ATP10D: variants seen among roughly 807,000 people sequenced by gnomAD.
ATP10D encodes phospholipid-transporting ATPase VD.
Under a neutral mutation model 144.8 loss-of-function variants are expected in ATP10D, and 89 were observed. The observed-to-expected ratio is 0.61, with a 90% CI of 0.52 to 0.73. The LOEUF (loss-of-function observed/expected upper bound fraction) is 0.73. ATP10D is among the 30% of genes least tolerant of loss of function. The probability of loss-of-function intolerance (pLI) is 0.00; values close to 1 mark genes in which losing one functional copy is unlikely to be tolerated. For missense variants in ATP10D, 1,603 were observed against 1,714.8 expected (o/e 0.93, Z 1.15); for synonymous variants, 571 against 615.1 (o/e 0.93, Z 1.06).
chr4:47,514,377 T>C (rs970309665), intron 2 of ATP10D, among the ~76,000 whole-genome samples: 2 of 152,210 alleles, frequency 1.3e-5, no homozygotes, highest in Admixed American at 1.3e-4. Flanking sequence ...GGTTTAGATG[T>C]GGTCCACCTG....
chr4:47,503,070 C>T (rs1053551144), intron 1 of ATP10D, among the ~76,000 whole-genome samples: 6 of 152,052 alleles, frequency 3.9e-5, no homozygotes, highest in South Asian at 2.1e-4. Context: ...GGCATGCTGG[C>T]GCATGCCTGT....
chr4:47,584,037 A>T (rs1392780006), intron 21 of ATP10D, among the ~76,000 whole-genome samples: 2 of 152,164 alleles, frequency 1.3e-5, no homozygotes, highest in Admixed American at 1.3e-4. Flanking sequence ...CCGAGACTGC[A>T]CACAATGCTG....
chr4:47,561,194 T>C, intron 14 of ATP10D, 119 bp downstream of exon 14: 1 of 1,303,186 alleles, frequency 7.7e-7, no homozygotes, highest in South Asian at 1.4e-5. Flanking sequence ...CTGCCTACCC[T>C]GTCCAGTCTG....
intron 9 of ATP10D, among the ~76,000 whole-genome samples, chr4:47,542,644 A>AT (rs1261389656): frequency 3.3e-5 from 5 of 151,412 alleles, no homozygotes; most frequent in Non-Finnish European, 7.4e-5. Context: ...CACCCAGCTA[A>AT]TTTTGTGTAT....
At chr4:47,489,662 G>A (rs1387259019) in intron 1 of ATP10D, among the ~76,000 whole-genome samples, 1 of 152,096 alleles carries the variant, frequency 6.6e-6, no homozygotes, top group Non-Finnish European at 1.5e-5. Context: ...CCCTTATTGT[G>A]TGTACTTTTA....
chr4:47,568,818 C>A lies in ATP10D; in HGVS notation c.2854-19C>A. On this transcript the variant is annotated intron_variant, in intron 15 of 22. Coordinates refer to ENST00000273859, the MANE Select transcript of ATP10D (RefSeq NM_020453.4). ...CCAAGGGCGCCTGGAGGCTAACCAC[C>A]TTTGCCTCTTGTTTCAAGGATGCCT... is the stretch of plus-strand genomic sequence containing the variant. 6.2e-7 allele frequency: 1 copy of A among 1,604,558 alleles called. No homozygotes were observed. Among genetic ancestry groups the A allele is most frequent in the Non-Finnish European group, 8.5e-7 (1 of 1,173,574 alleles).
Position 47,512,633 on chromosome 4 carries a change from C to G in ATP10D, c.93C>G (p.Ser31=), listed in dbSNP as rs779361008. Residue 31 remains serine, a synonymous_variant, in exon 2 of 23, where the codon TCC becomes TCG. Transcript: ENST00000273859. ...RDDDSGPYNY[S]SLLACGRKSS... is the part of the protein sequence containing the mutation. ...ATGATTCAGGGCCATACAACTATTCCTCGTTGCTCGCCTGTGGGCGCAAGT... is the reference window on the plus strand; with the variant it reads ...ATGATTCAGGGCCATACAACTATTCGTCGTTGCTCGCCTGTGGGCGCAAGT... 1 of 1,614,160 alleles carries G rather than the reference C, an allele frequency of 6.2e-7. No individual in the cohort carries two copies. Among genetic ancestry groups the G allele is most frequent in the Non-Finnish European group, 8.5e-7 (1 of 1,180,028 alleles).
chr4:47,516,790 G>A (rs7655332), intron 3 of ATP10D, among the ~76,000 whole-genome samples: 6,769 of 149,768 alleles, frequency 0.045, 527 homozygotes, highest in African/African-American at 0.16. Context: ...CAGTCTAAAC[G>A]AAACCAGAAA....
At chr4:47,566,275 GT>G (rs1274015568) in intron 15 of ATP10D, among the ~76,000 whole-genome samples, 2 of 151,990 alleles carry the variant, frequency 1.3e-5, no homozygotes, top group Non-Finnish European at 2.9e-5. Flanking sequence ...TCTCATAAAA[GT>G]TTTTTTTCTT....
chr4:47,587,120 C>A lies in ATP10D; in HGVS notation c.3855C>A (p.Asn1285Lys), dbSNP rs1390182097. 1 of 1,614,070 alleles carries A rather than the reference C, an allele frequency of 6.2e-7. No homozygotes were observed. Among genetic ancestry groups the A allele is most frequent in the Non-Finnish European group, 8.5e-7 (1 of 1,179,946 alleles). ...GTGTAACTTGCAACCCACCATCCAACCCTTACTGGATTATGCAGGAGCACA... is the reference window on the plus strand; with the variant it reads ...GTGTAACTTGCAACCCACCATCCAAACCTTACTGGATTATGCAGGAGCACA... ...AMCVTCNPPSNPYWIMQEHML... is the reference protein window; with the variant it reads ...AMCVTCNPPSKPYWIMQEHML... The change falls in exon 22 of 23, where the codon AAC becomes AAA. Residue 1285 changes from asparagine (N) to lysine (K), a missense_variant. Asn to Lys is a moderately conservative substitution (Grantham distance 94). Transcript: ENST00000273859.
rs1427076629 is a variant in ATP10D at position 47,523,017 on chromosome 4, A to T, written c.491A>T (p.Glu164Val). ...NLITKVYSRK[E>V]KKYIDRCWKD... ...TAACTTTTTTTTAATTACAGGAAAG[A>T]GAAAAAATACATTGACCGATGCTGG... Residue 164 changes from glutamate to valine, a missense_variant, in exon 4 of 23, where the codon GAG (glutamate) becomes GTG (valine). Glu to Val is a moderately radical substitution (Grantham distance 121). Coordinates refer to ENST00000273859, the MANE Select transcript of ATP10D (RefSeq NM_020453.4). The T allele has an allele frequency of 1.9e-6, 3 of 1,605,420 alleles. No homozygotes were observed. Among genetic ancestry groups the T allele is most frequent in the African/African-American group, 2.7e-5 (2 of 74,670 alleles).
chr4:47,543,990 T>G (rs545608200), intron 9 of ATP10D, among the ~76,000 whole-genome samples: 2 of 152,272 alleles, frequency 1.3e-5, no homozygotes, highest in African/African-American at 4.8e-5. Context: ...AATTTTTATT[T>G]AAATGAAAAA....
chr4:47,499,813 G>A (rs547616828), intron 1 of ATP10D, among the ~76,000 whole-genome samples: 38 of 152,298 alleles, frequency 2.5e-4, no homozygotes, highest in African/African-American at 9.1e-4. Flanking sequence ...GAGAGTTTTA[G>A]AACGATAAAA....
chr4:47,548,712 T>C (rs1401320100), intron 10 of ATP10D, among the ~76,000 whole-genome samples: 1 of 152,216 alleles, frequency 6.6e-6, no homozygotes, highest in South Asian at 2.1e-4. Context: ...CTTGTTTTGT[T>C]TGTGTTTTGC....
chr4:47,538,558 C>G (rs1717964079), intron 9 of ATP10D, among the ~76,000 whole-genome samples: 1 of 152,196 alleles, frequency 6.6e-6, no homozygotes, highest in Non-Finnish European at 1.5e-5. Flanking sequence ...CTCACAGTAT[C>G]TCTAAGTCAG....
rs760957068 is a variant in ATP10D, at chr4:47,563,809, G to T, written c.2853+44G>T. On this transcript the variant is annotated intron_variant, in intron 15 of 22. Coordinates refer to ENST00000273859, the MANE Select transcript of ATP10D (RefSeq NM_020453.4). ...AATCTGTTCTTCTGTATTTTCAAAG[G>T]CATTGGAACATTTGAGATTTGATGT... is the stretch of plus-strand genomic sequence containing the variant. 3.5e-6 allele frequency: 5 copies of T among 1,448,486 alleles called. No homozygotes were observed. The African/African-American group carries it at 4.3e-5, about 12-fold the overall frequency. The allele number at this position is 1,448,486 out of a possible 1,614,324, so 89.7% of individuals were successfully genotyped here. A position where few individuals can be genotyped will look rare whatever the true frequency, so the allele number is the denominator to read the frequency against.
At chr4:47,544,516 C>T (rs1179568922) in intron 9 of ATP10D, among the ~76,000 whole-genome samples, 2 of 152,098 alleles carry the variant, frequency 1.3e-5, no homozygotes, top group African/African-American at 2.4e-5. Context: ...GGAAACATTC[C>T]GTGTTGTTTA....
intron 15 of ATP10D, among the ~76,000 whole-genome samples, chr4:47,568,545 C>A (rs1273319621): frequency 1.3e-5 from 2 of 152,098 alleles, no homozygotes; most frequent in Non-Finnish European, 2.9e-5. Flanking sequence ...CAGAATGAGA[C>A]CAGAGGACTC....
intron 21 of ATP10D, 138 bp downstream of exon 21, chr4:47,582,202 C>G: frequency 1.4e-6 from 1 of 704,180 alleles, no homozygotes; most frequent in South Asian, 1.7e-5. Flanking sequence ...CACAGCTACT[C>G]TGGGTGATCA....
Sources: gnomAD v4.1 joint callset for allele counts (sites outside exome capture counted in the v4.1 genomes callset) on GRCh38, gnomAD v4.1.1 for gene constraint, MANE v1.5 for transcripts, NCBI Gene and HGNC (gene_info 2026-07-23, HGNC 2026-07-21) for gene names.